IMPG1: variants seen among roughly 807,000 people sequenced by gnomAD.
IMPG1 encodes interphotoreceptor matrix proteoglycan 1.
Under a neutral mutation model 92.0 loss-of-function variants are expected in IMPG1, and 85 were observed. That is an observed-to-expected ratio of 0.92 (90% CI 0.78 to 1.11). The LOEUF (loss-of-function observed/expected upper bound fraction) is 1.11. Ranked by LOEUF, IMPG1 falls within the 50% of genes least tolerant of loss-of-function variation. IMPG1 has a pLI of 0.00. For synonymous variants in IMPG1, 367 were observed against 334.1 expected (o/e 1.10, Z -1.08); for missense variants, 1,022 against 956.0 (o/e 1.07, Z -0.91).
At chr6:76,006,312 A>G (rs1456568401) in intron 9 of IMPG1, among the ~76,000 whole-genome samples, 2 of 148,646 alleles carry the variant, frequency 1.3e-5, no homozygotes, top group East Asian at 1.9e-4. Context: ...GGACAATAGT[A>G]TATATATATA....
At chr6:76,056,576 A>G (rs1031886365) in intron 1 of IMPG1, among the ~76,000 whole-genome samples, 2 of 152,138 alleles carry the variant, frequency 1.3e-5, no homozygotes, top group African/African-American at 4.8e-5. Flanking sequence ...TAGTATGGTA[A>G]TTCTATTTTT....
Position 76,059,028 on chromosome 6 carries a change from C to G in IMPG1, c.67+13394G>C, listed in dbSNP as rs143521344. 6.6e-5 allele frequency among the ~76,000 whole-genome samples: 10 copies of G among 152,128 alleles called. No individual in the cohort carries two copies. The South Asian group carries it at 2.1e-3, about 32-fold the overall frequency. On this transcript the variant is annotated intron_variant, in intron 1 of 16. Coordinates refer to ENST00000369950, the MANE Select transcript of IMPG1 (RefSeq NM_001563.4). ...TGAGGCCTGGAATAGCCTGAAGAAT[C>G]GGACAAAATGGCAGAGGCTGAGGGA...
intron 8 of IMPG1, among the ~76,000 whole-genome samples, chr6:76,009,224 T>C (rs529339086): frequency 7.9e-5 from 12 of 152,342 alleles, no homozygotes; most frequent in African/African-American, 2.9e-4. Flanking sequence ...TGATTGTTAA[T>C]AGTTTTCCAC....
chr6:76,010,188 G>GT (rs1783161334), intron 8 of IMPG1, among the ~76,000 whole-genome samples: 1 of 152,170 alleles, frequency 6.6e-6, no homozygotes, highest in African/African-American at 2.4e-5. Context: ...CTTTTTCTGG[G>GT]CCTGTGGAGC....
At chr6:75,955,505 A>G (rs1438803035) in intron 12 of IMPG1, among the ~76,000 whole-genome samples, 1 of 152,186 alleles carries the variant, frequency 6.6e-6, no homozygotes, top group Non-Finnish European at 1.5e-5. Flanking sequence ...TTGGGCTGGG[A>G]TGATGGGGTT....
chr6:75,999,426 G>T (rs1401354512), intron 12 of IMPG1, among the ~76,000 whole-genome samples: 3 of 152,096 alleles, frequency 2.0e-5, no homozygotes, highest in Non-Finnish European at 2.9e-5. Flanking sequence ...AATTTTCCAG[G>T]CTAAAATTAT....
At chr6:76,064,713 T>C (rs1307591925) in intron 1 of IMPG1, among the ~76,000 whole-genome samples, 1 of 152,138 alleles carries the variant, frequency 6.6e-6, no homozygotes, top group African/African-American at 2.4e-5. Context: ...GATCAGCCCA[T>C]TGCCTGGAAC....
chr6:75,986,584 A>T (rs1034302222), intron 12 of IMPG1, among the ~76,000 whole-genome samples: 1 of 152,210 alleles, frequency 6.6e-6, no homozygotes, highest in African/African-American at 2.4e-5. Flanking sequence ...GTATAGGAGA[A>T]TGATGCTGGT....
intron 13 of IMPG1, among the ~76,000 whole-genome samples, chr6:75,949,213 C>A (rs1033393398): frequency 3.9e-5 from 6 of 152,154 alleles, no homozygotes; most frequent in Admixed American, 6.5e-5. Flanking sequence ...GGGCTGCATT[C>A]CCAGACAGTT....
At chr6:76,060,890 A>G (rs1273850593) in intron 1 of IMPG1, among the ~76,000 whole-genome samples, 3 of 152,196 alleles carry the variant, frequency 2.0e-5, no homozygotes, top group Non-Finnish European at 2.9e-5. Context: ...TGTATTCTCA[A>G]TTAAAATATA....
At chr6:76,022,629 AT>A (rs1477662683) in intron 5 of IMPG1, among the ~76,000 whole-genome samples, 4 of 152,222 alleles carry the variant, frequency 2.6e-5, no homozygotes, top group Admixed American at 2.6e-4. Flanking sequence ...GAGGAATAAG[AT>A]TTTAATCAGA....
chr6:75,948,566 G>A (rs534541096), intron 13 of IMPG1, among the ~76,000 whole-genome samples: 1 of 152,170 alleles, frequency 6.6e-6, no homozygotes, highest in East Asian at 1.9e-4. Flanking sequence ...TAAACAAATC[G>A]TGGTACTTCC....
chr6:76,006,748 C>T (rs2149478207), intron 9 of IMPG1, among the ~76,000 whole-genome samples: 1 of 152,170 alleles, frequency 6.6e-6, no homozygotes, highest in South Asian at 2.1e-4. Flanking sequence ...ATAAGCAGGA[C>T]ATAGGTAACT....
chr6:75,922,646 T>A (rs1781449177), intron 16 of IMPG1, among the ~76,000 whole-genome samples: 1 of 152,210 alleles, frequency 6.6e-6, no homozygotes, highest in Admixed American at 6.5e-5. Flanking sequence ...TGAAATGTGA[T>A]CCATAATTCT....
intron 14 of IMPG1, among the ~76,000 whole-genome samples, chr6:75,943,876 T>C (rs1228754324): frequency 6.6e-6 from 1 of 152,242 alleles, no homozygotes; most frequent in Admixed American, 6.5e-5. Context: ...CAGGAATTTG[T>C]AGGAAGTCTG....
At chr6:75,965,948 C>T (rs1782303009) in intron 12 of IMPG1, among the ~76,000 whole-genome samples, 2 of 152,082 alleles carry the variant, frequency 1.3e-5, no homozygotes, top group South Asian at 2.1e-4. Context: ...CAAAGATTTT[C>T]GCCAGTCTGT....
intron 12 of IMPG1, among the ~76,000 whole-genome samples, chr6:75,984,989 A>G (rs1782689712): frequency 6.6e-6 from 1 of 152,244 alleles, no homozygotes; most frequent in Middle Eastern, 3.2e-3. Context: ...CGGCAAGCCA[A>G]TTTAATCTCT....
chr6:75,942,660 C>A (rs1267094272), intron 14 of IMPG1, among the ~76,000 whole-genome samples: 1 of 152,110 alleles, frequency 6.6e-6, no homozygotes, highest in Non-Finnish European at 1.5e-5. Flanking sequence ...TCAGCTCACC[C>A]GTCAGTCACC....
chr6:76,047,797 C>T (rs973450570), intron 1 of IMPG1, among the ~76,000 whole-genome samples: 12 of 152,068 alleles, frequency 7.9e-5, no homozygotes, highest in African/African-American at 2.4e-4. Flanking sequence ...ATGTCTTGCC[C>T]GCATCCATTA....
Sources: allele counts gnomAD v4.1 joint callset (sites outside exome capture counted in the v4.1 genomes callset), GRCh38; gene constraint gnomAD v4.1.1; transcripts MANE v1.5; gene names NCBI Gene and HGNC (gene_info 2026-07-23, HGNC 2026-07-21).